TOR1AIP1: variants seen among roughly 807,000 people sequenced by gnomAD.
TOR1AIP1 encodes torsin-1A-interacting protein 1.
In TOR1AIP1, 54 loss-of-function variants were observed where a neutral mutation model predicts 63.3. The observed-to-expected ratio is 0.85, with a 90% confidence interval of 0.69 to 1.07. The LOEUF (loss-of-function observed/expected upper bound fraction) is 1.07, where lower values mean the gene tolerates loss of function less well. TOR1AIP1 is among the 50% of genes least tolerant of loss of function. TOR1AIP1 has a pLI of 0.00. For missense variants in TOR1AIP1, 736 were observed against 715.0 expected (o/e 1.03, Z -0.33); for synonymous variants, 294 against 273.5 (o/e 1.07, Z -0.74).
intron 5 of TOR1AIP1, among the ~76,000 whole-genome samples, chr1:179,903,511 C>CTT (rs763903698): frequency 1.4e-5 from 2 of 141,718 alleles, no homozygotes; most frequent in African/African-American, 2.6e-5. Flanking sequence ...CTTTTTTAAC[C>CTT]TTTTTTTTTT....
At chr1:179,916,709 T>C (rs1176825185) in intron 9 of TOR1AIP1, among the ~76,000 whole-genome samples, 1 of 140,484 alleles carries the variant, frequency 7.1e-6, no homozygotes, top group Non-Finnish European at 1.5e-5. Flanking sequence ...TCTTTTTTTT[T>C]TTTTTTTTTT....
intron 5 of TOR1AIP1, 94 bp downstream of exon 5, chr1:179,901,482 T>G: frequency 1.7e-6 from 1 of 594,904 alleles, no homozygotes; most frequent in Non-Finnish European, 2.7e-6. Context: ...AAATTTTTAT[T>G]AATACTTTAT....
chr1:179,919,558 A>G lies in TOR1AIP1; in HGVS notation c.*1319A>G, dbSNP rs1649130179. 3 of 152,350 alleles carry G rather than the reference A, an allele frequency of 2.0e-5. No individual in the cohort carries two copies. In the South Asian group the frequency reaches 6.2e-4, roughly 32 times the overall value. The allele number at this position is 152,350 out of a possible 1,614,324, so 9.4% of individuals were successfully genotyped here. ...GTGTGAAATGTATTTCTTTACTACTATAGTAGTTTAGTTATAACTTTGCAT... is the reference window on the plus strand; with the variant it reads ...GTGTGAAATGTATTTCTTTACTACTGTAGTAGTTTAGTTATAACTTTGCAT... On this transcript the variant is annotated 3_prime_UTR_variant, in exon 10 of 10. Coordinates refer to ENST00000606911, the MANE Select transcript of TOR1AIP1 (RefSeq NM_015602.4).
At chr1:179,900,654 TG>T (rs1370142389) in intron 4 of TOR1AIP1, 2 of 152,284 alleles carry the variant, frequency 1.3e-5, no homozygotes, top group African/African-American at 4.8e-5. Flanking sequence ...AACTGTTAAC[TG>T]GGCAGAAATA....
At chr1:179,901,458 TAAAA>T in intron 5 of TOR1AIP1, 70 bp downstream of exon 5, 1 of 967,258 alleles carries the variant, frequency 1.0e-6, no homozygotes, top group Non-Finnish European at 1.5e-6. Context: ...ATTTGCTTTT[TAAAA>T]AAAACTTTCA....
At chr1:179,889,028 G>A (rs979732312) in intron 2 of TOR1AIP1, among the ~76,000 whole-genome samples, 1 of 152,194 alleles carries the variant, frequency 6.6e-6, no homozygotes, top group African/African-American at 2.4e-5. Context: ...CAATTTAGAA[G>A]AATTTTATTT....
At chr1:179,884,051 G>T (rs147355565) in intron 1 of TOR1AIP1, 1 of 162,614 alleles carries the variant, frequency 6.1e-6, no homozygotes, top group South Asian at 1.5e-4. Flanking sequence ...TTGAAGACTT[G>T]ATTTTGGAAA....
Position 179,882,955 on chromosome 1 carries a change from G to A in TOR1AIP1, c.453G>A (p.Leu151=), listed in dbSNP as rs1273128899. ...QPSPVMTRRG[L]RDSHSSEEDE... is the part of the protein sequence containing the mutation. Reference sequence around the variant, plus strand: ...CTCCTGTTATGACCAGGAGAGGGCTGCGGGACTCTCATTCCTCTGAAGGTG... The same window carrying A: ...CTCCTGTTATGACCAGGAGAGGGCTACGGGACTCTCATTCCTCTGAAGGTG... Residue 151 remains leucine, a synonymous_variant, in exon 1 of 10, where the codon CTG becomes CTA. Transcript: ENST00000606911. 1.9e-6 allele frequency: 3 copies of A among 1,613,140 alleles called. No individual in the cohort carries two copies. Among genetic ancestry groups the A allele is most frequent in the East Asian group, 4.5e-5 (2 of 44,852 alleles).
intron 3 of TOR1AIP1, among the ~76,000 whole-genome samples, chr1:179,896,537 T>G (rs1648274595): frequency 6.6e-6 from 1 of 152,092 alleles, no homozygotes; most frequent in Non-Finnish European, 1.5e-5. Context: ...AAAAACAAGT[T>G]TACAAATCTT....
At chr1:179,904,073 G>C in intron 6 of TOR1AIP1, 51 bp downstream of exon 6, 1 of 1,367,472 alleles carries the variant, frequency 7.3e-7, no homozygotes, top group Non-Finnish European at 1.0e-6. Context: ...GTCAAATGAT[G>C]TTCCTATTTT....
chr1:179,910,053 C>G (rs1431188971), intron 8 of TOR1AIP1, among the ~76,000 whole-genome samples: 3 of 152,194 alleles, frequency 2.0e-5, no homozygotes, highest in African/African-American at 7.2e-5. Context: ...CATGAGCCAC[C>G]ACACCCAGCC....
At chr1:179,893,784 G>A (rs559874424) in intron 3 of TOR1AIP1, among the ~76,000 whole-genome samples, 9 of 152,120 alleles carry the variant, frequency 5.9e-5, no homozygotes, top group Non-Finnish European at 1.0e-4. Context: ...GCAAGCTACC[G>A]CTTCTGGGTG....
intron 2 of TOR1AIP1, among the ~76,000 whole-genome samples, chr1:179,885,317 T>G (rs1647879583): frequency 6.6e-6 from 1 of 152,352 alleles, no homozygotes; most frequent in South Asian, 2.1e-4. Context: ...TTTGGTAATT[T>G]GTAGTAATAT....
intron 3 of TOR1AIP1, among the ~76,000 whole-genome samples, chr1:179,897,532 GTGTAC>G (rs1441602477): frequency 1.3e-5 from 2 of 152,122 alleles, no homozygotes; most frequent in African/African-American, 4.8e-5. Flanking sequence ...CTACTGTACT[GTGTAC>G]TGTACTGTAC....
chr1:179,915,241 T>C lies in TOR1AIP1; in HGVS notation c.964+1187T>C, dbSNP rs576029457. 8.5e-5 allele frequency among the ~76,000 whole-genome samples: 13 copies of C among 152,348 alleles called. 1 individual carries two copies. The South Asian group carries it at 2.5e-3, about 29-fold the overall frequency. On this transcript the variant is annotated intron_variant, in intron 9 of 9. Coordinates refer to ENST00000606911, the MANE Select transcript of TOR1AIP1 (RefSeq NM_015602.4). The stretch of plus-strand genomic sequence containing the variant: ...TCAACAAGTGGTAGTTTCTTAAATG[T>C]TACTTGAAATAGGATATCTAAAACC...
intron 5 of TOR1AIP1, among the ~76,000 whole-genome samples, 173 bp downstream of exon 5, chr1:179,901,561 A>G (rs1270900191): frequency 6.6e-6 from 1 of 152,326 alleles, no homozygotes; most frequent in Non-Finnish European, 1.5e-5. Flanking sequence ...GATTAATACT[A>G]TGTCATGATA....
chr1:179,882,930 C>T lies in TOR1AIP1; in HGVS notation c.428C>T (p.Ser143Phe), dbSNP rs141391430. ...QHSEQPPLQP[S>F]PVMTRRGLRD... ...TCAGAGCAGCCTCCGCTACAGCCGT[C>T]TCCTGTTATGACCAGGAGAGGGCTG... Residue 143 changes from serine to phenylalanine, a missense_variant, in exon 1 of 10, where the codon TCT (serine) becomes TTT (phenylalanine). Ser to Phe is a radical substitution (Grantham distance 155). This residue lies in a region of TOR1AIP1 where 464 missense variants were observed against 371.0 expected (regional missense o/e 1.25). Coordinates refer to ENST00000606911, the MANE Select transcript of TOR1AIP1 (RefSeq NM_015602.4). The T allele has an allele frequency of 5.9e-4, 955 of 1,614,032 alleles. 3 individuals carry two copies. The highest frequency in any genetic ancestry group is 2.1e-3 in the Middle Eastern group (13 of 6,062).
At chr1:179,896,811 A>G (rs1648281632) in intron 3 of TOR1AIP1, among the ~76,000 whole-genome samples, 2 of 152,222 alleles carry the variant, frequency 1.3e-5, no homozygotes, top group East Asian at 1.9e-4. Flanking sequence ...CACACTAGCC[A>G]TAATTCTTTA....
chr1:179,899,318 T>G (rs927622921), intron 3 of TOR1AIP1, among the ~76,000 whole-genome samples: 1 of 152,124 alleles, frequency 6.6e-6, no homozygotes, highest in African/African-American at 2.4e-5. Context: ...TCCAAGTTTA[T>G]TTGATGTGTT....
Sources: allele counts gnomAD v4.1 joint callset (sites outside exome capture counted in the v4.1 genomes callset), GRCh38; gene constraint gnomAD v4.1.1; regional missense constraint gnomAD v4.1.1; transcripts MANE v1.5; gene names NCBI Gene and HGNC (gene_info 2026-07-23, HGNC 2026-07-21).